Variants in ENO4 observed in about 807,000 individuals in gnomAD.
ENO4 encodes 2-phospho-D-glycerate hydro-lyase.
A neutral mutation model predicts 63.2 loss-of-function variants in ENO4; 53 were observed. That is an observed-to-expected ratio of 0.84 (90% confidence interval 0.67 to 1.05). ENO4 has a LOEUF of 1.05. Among genes scored for constraint, ENO4 ranks in the 50% least tolerant of loss-of-function variants. The pLI is 0.00. For synonymous variants in ENO4, 266 were observed against 283.8 expected (o/e 0.94, Z 0.63); for missense variants, 719 against 772.0 (o/e 0.93, Z 0.81).
rs1846307153 is a variant in ENO4 at position 116,857,759 on chromosome 10, C to A, written c.485+1077C>A. Among the ~76,000 whole-genome samples the A allele has an allele frequency of 2.6e-5, 4 of 152,010 alleles. No homozygotes were observed. The South Asian group carries it at 8.3e-4, about 32-fold the overall frequency. On this transcript the variant is annotated intron_variant, in intron 3 of 13. Coordinates refer to ENST00000341276, the MANE Select transcript of ENO4 (RefSeq NM_001242699.2). ...GTTCAAGCGATTCTCCTGCCTCAGCCTCTGAGTAGCTGGGATTACATGCAC... is the reference window on the plus strand; with the variant it reads ...GTTCAAGCGATTCTCCTGCCTCAGCATCTGAGTAGCTGGGATTACATGCAC...
chr10:116,892,305 C>G (rs960688296), intron 10 of ENO4, among the ~76,000 whole-genome samples: 1 of 152,156 alleles, frequency 6.6e-6, no homozygotes, highest in Non-Finnish European at 1.5e-5. Context: ...TTCAGGAAAC[C>G]GGACTATTCT....
intron 2 of ENO4, among the ~76,000 whole-genome samples, chr10:116,856,035 G>A (rs1259420343): frequency 6.6e-6 from 1 of 152,144 alleles, no homozygotes; most frequent in African/African-American, 2.4e-5. Context: ...TCATGTGATA[G>A]GTTCTATAAA....
At chr10:116,871,023 C>G (rs1282408359) in intron 8 of ENO4, 102 bp from the exon 9 acceptor site, 1 of 996,162 alleles carries the variant, frequency 1.0e-6, no homozygotes, top group African/African-American at 1.6e-5. Context: ...AAGGACTGAT[C>G]TTTGCAGAGC....
intron 4 of ENO4, among the ~76,000 whole-genome samples, chr10:116,859,531 A>G (rs1846353183): frequency 6.6e-6 from 1 of 152,108 alleles, no homozygotes; most frequent in Admixed American, 6.6e-5. Flanking sequence ...CATTTTCTCA[A>G]TCCTATGTAA....
At chr10:116,879,809 G>A (rs565376008) in intron 12 of ENO4, 60 bp from the exon 13 acceptor site, 3 of 1,268,334 alleles carry the variant, frequency 2.4e-6, no homozygotes, top group Non-Finnish European at 3.3e-6. Context: ...TTAAAGAATT[G>A]TTTGTCGTTT....
Position 116,861,055 on chromosome 10 carries a change from T to A in ENO4, c.805-4T>A. On this transcript the variant is annotated splice_polypyrimidine_tract_variant and splice_region_variant and intron_variant, in intron 5 of 13. Transcript: ENST00000341276. ...CATTTTCCCTCGTTTTCCCCCTATT[T>A]CAGGAACAGCCAACAACGCTATCTA... 3.2e-6 allele frequency: 5 copies of A among 1,548,450 alleles called. No individual in the cohort carries two copies. The highest frequency in any genetic ancestry group is 4.4e-6 in the Non-Finnish European group (5 of 1,146,108).
chr10:116,901,345 G>A, intron 10 of ENO4: 3 of 984,864 alleles, frequency 3.0e-6, no homozygotes, highest in Non-Finnish European at 3.6e-6. Context: ...TTTAACTGAA[G>A]ACTAGAAAAG....
At chr10:116,900,882 G>A in intron 10 of ENO4, 1 of 985,268 alleles carries the variant, frequency 1.0e-6, no homozygotes, top group African/African-American at 1.7e-5. Context: ...TAGTAGCAAT[G>A]AGAGAATGCA....
At chr10:116,871,070 G>A (rs920685286) in intron 8 of ENO4, 55 bp from the exon 9 acceptor site, 21 of 1,481,488 alleles carry the variant, frequency 1.4e-5, no homozygotes, top group Middle Eastern at 1.7e-4. Context: ...CACAGGAAGC[G>A]CCAAGAACCT....
chr10:116,865,115 GC>G (rs200198481), intron 7 of ENO4, among the ~76,000 whole-genome samples: 4,232 of 152,230 alleles, frequency 0.028, 188 homozygotes, highest in African/African-American at 0.095. Flanking sequence ...TTACTTCTTT[GC>G]CCTTTTCACT....
intron 1 of ENO4, among the ~76,000 whole-genome samples, chr10:116,855,301 G>C (rs1181903866): frequency 1.3e-5 from 2 of 152,104 alleles, no homozygotes; most frequent in South Asian, 2.1e-4. Flanking sequence ...GTTGAAGAAG[G>C]CCTGCTAATC....
At chr10:116,890,775 C>T (rs1847319276) in intron 10 of ENO4, among the ~76,000 whole-genome samples, 1 of 152,228 alleles carries the variant, frequency 6.6e-6, no homozygotes. Context: ...AAAGGAAAGA[C>T]CTGACTCCAA....
At chr10:116,875,427 C>G (rs556138739) in intron 10 of ENO4, among the ~76,000 whole-genome samples, 1 of 152,046 alleles carries the variant, frequency 6.6e-6, no homozygotes, top group Admixed American at 6.6e-5. Context: ...CTCACTGCAG[C>G]CTTGACCTCC....
At chr10:116,911,597 A>C in exon 11 of ENO4, 1 of 1,551,262 alleles carries the variant, frequency 6.4e-7, no homozygotes. Context: ...CAAAAACAGC[A>C]CAGTGTTATT....
chr10:116,853,860 G>A (rs932790317), intron 1 of ENO4, among the ~76,000 whole-genome samples: 1 of 152,186 alleles, frequency 6.6e-6, no homozygotes, highest in African/African-American at 2.4e-5. Context: ...CTGTTGTCCA[G>A]GTTGAAGTCA....
chr10:116,860,871 A>G lies in ENO4; in HGVS notation c.712A>G (p.Ile238Val), dbSNP rs1300133687. ...GCCTGTACTCAGTGGCAGTATGGCC[A>G]TAGGGGCCGTGTCACTAGCTGTTGC... ...VEPVLSGSMA[I>V]GAVSLAVAKA... Residue 238 changes from isoleucine (I) to valine (V), a missense_variant, in exon 5 of 14, where the codon ATA becomes GTA. Ile to Val is a conservative substitution (Grantham distance 29). This residue lies in a region of ENO4 where 544 missense variants were observed against 583.6 expected (regional missense o/e 0.93). Transcript: ENST00000341276. The G allele has an allele frequency of 9.0e-6, 14 of 1,549,852 alleles. No homozygotes were observed. Among genetic ancestry groups the G allele is most frequent in the African/African-American group, 1.4e-5 (1 of 73,056 alleles).
At chr10:116,872,720 T>G (rs964231052) in intron 9 of ENO4, among the ~76,000 whole-genome samples, 1 of 152,230 alleles carries the variant, frequency 6.6e-6, no homozygotes, top group African/African-American at 2.4e-5. Context: ...CTACATTTTA[T>G]GAAATGCCCA....
chr10:116,864,322 A>C (rs925662286), intron 7 of ENO4: 2 of 152,124 alleles, frequency 1.3e-5, no homozygotes, highest in African/African-American at 2.4e-5. Flanking sequence ...AAAATACAAA[A>C]AAATTAGCTG....
chr10:116,896,863 G>C (rs1343920320), intron 10 of ENO4, among the ~76,000 whole-genome samples: 3 of 148,606 alleles, frequency 2.0e-5, no homozygotes, highest in Non-Finnish European at 4.4e-5. Context: ...TGGGAGTGCA[G>C]TGGCACAATC....
Sources: allele counts gnomAD v4.1 joint callset (sites outside exome capture counted in the v4.1 genomes callset), GRCh38; gene constraint gnomAD v4.1.1; regional missense constraint gnomAD v4.1.1; transcripts MANE v1.5; gene names NCBI Gene and HGNC (gene_info 2026-07-23, HGNC 2026-07-21).